The following PPME1 variants were observed in gnomAD, a reference collection of about 807,000 sequenced individuals.
PPME1 encodes the protein protein phosphatase methylesterase 1, also known as testicular secretory protein Li 39.
Under a neutral mutation model 56.9 loss-of-function variants are expected in PPME1, and 17 were observed. That is an observed-to-expected ratio of 0.30 (90% CI 0.20 to 0.45). PPME1 has a LOEUF of 0.45. Among genes scored for constraint, PPME1 ranks in the 20% least tolerant of loss-of-function variants. The probability of loss-of-function intolerance (pLI) is 1.00; values close to 1 mark genes in which losing one functional copy is unlikely to be tolerated. For missense variants in PPME1, 357 were observed against 483.2 expected (o/e 0.74, Z 2.45); for synonymous variants, 122 against 156.2 (o/e 0.78, Z 1.63).
At chr11:74,225,316 T>G (rs1858906908) in intron 5 of PPME1, 60 bp downstream of exon 5, 2 of 1,210,124 alleles carry the variant, frequency 1.7e-6, no homozygotes, top group Non-Finnish European at 2.3e-6. Context: ...TAAATAGTAC[T>G]ATAACTTTAT....
intron 3 of PPME1, among the ~76,000 whole-genome samples, chr11:74,208,586 T>G (rs1804021211): frequency 6.6e-6 from 1 of 152,250 alleles, no homozygotes; most frequent in Admixed American, 6.5e-5. Context: ...TTAATTTATC[T>G]GAATTTTAGA....
chr11:74,196,263 G>T (rs1447981602), intron 1 of PPME1, among the ~76,000 whole-genome samples: 1 of 152,210 alleles, frequency 6.6e-6, no homozygotes, highest in East Asian at 1.9e-4. Context: ...TTTTAATGAA[G>T]TTCAAGTCCT....
intron 11 of PPME1, chr11:74,248,673 C>G (rs934735862): frequency 5.3e-5 from 8 of 152,068 alleles, no homozygotes; most frequent in African/African-American, 1.9e-4. Context: ...TTATAAATGT[C>G]TAAGCCCGTA....
intron 11 of PPME1, chr11:74,250,646 T>G (rs1168535549): frequency 3.0e-5 from 8 of 263,184 alleles, no homozygotes; most frequent in Non-Finnish European, 5.1e-5. Flanking sequence ...AAAATGTTGG[T>G]TTTTGTGTTT....
At chr11:74,197,767 A>C (rs1276561259) in intron 1 of PPME1, among the ~76,000 whole-genome samples, 2 of 152,218 alleles carry the variant, frequency 1.3e-5, no homozygotes, top group Admixed American at 1.3e-4. Flanking sequence ...TTATAGGCTA[A>C]GGGTTCTTAA....
At chr11:74,201,598 A>G (rs1858169400) in intron 1 of PPME1, among the ~76,000 whole-genome samples, 1 of 152,226 alleles carries the variant, frequency 6.6e-6, no homozygotes, top group Non-Finnish European at 1.5e-5. Context: ...TGTCACTACC[A>G]TTTAGTAGTT....
chr11:74,215,507 A>G (rs1858614778), intron 3 of PPME1, among the ~76,000 whole-genome samples: 1 of 152,204 alleles, frequency 6.6e-6, no homozygotes, highest in South Asian at 2.1e-4. Flanking sequence ...AGCAAACTCA[A>G]ACCAAAAACA....
chr11:74,243,737 T>G (rs1859435307), intron 9 of PPME1, among the ~76,000 whole-genome samples: 1 of 151,920 alleles, frequency 6.6e-6, no homozygotes, highest in Non-Finnish European at 1.5e-5. Flanking sequence ...AGTTTCTTGA[T>G]TTCCCATCTG....
intron 1 of PPME1, among the ~76,000 whole-genome samples, chr11:74,172,140 T>A (rs1341465046): frequency 6.6e-6 from 1 of 151,852 alleles, no homozygotes; most frequent in Non-Finnish European, 1.5e-5. Context: ...TAAGGGAGAA[T>A]GAGAAAGTTT....
At chr11:74,217,749 AAAACTT>A (rs934352439) in intron 3 of PPME1, among the ~76,000 whole-genome samples, 10 of 152,154 alleles carry the variant, frequency 6.6e-5, no homozygotes, top group Admixed American at 3.9e-4. Flanking sequence ...ATAAAAAAAA[AAAACTT>A]AAACTGAGTA....
intron 1 of PPME1, among the ~76,000 whole-genome samples, chr11:74,200,357 T>TTGTGTGTG (rs71919163): frequency 6.8e-4 from 99 of 145,920 alleles, no homozygotes; most frequent in African/African-American, 2.4e-3. Context: ...GTCATGTGTT[T>TTGTGTGTG]TGTGTGTGTG....
intron 11 of PPME1, chr11:74,247,964 C>T (rs1038309880): frequency 7.2e-5 from 11 of 152,646 alleles, no homozygotes; most frequent in African/African-American, 2.6e-4. Context: ...TGACTCTGGG[C>T]AAGTTATCTG....
chr11:74,192,307 C>A (rs549671675), intron 1 of PPME1, among the ~76,000 whole-genome samples: 6 of 152,146 alleles, frequency 3.9e-5, no homozygotes, highest in African/African-American at 1.4e-4. Context: ...GAATGTTTAC[C>A]CAATGCATGT....
intron 1 of PPME1, among the ~76,000 whole-genome samples, chr11:74,198,224 G>T (rs1365941964): frequency 6.6e-6 from 1 of 152,034 alleles, no homozygotes; most frequent in African/African-American, 2.4e-5. Context: ...CCCAAGATTT[G>T]TTCATTGCCT....
Position 74,230,177 on chromosome 11 carries a change from G to T in PPME1, c.399-68G>T, listed in dbSNP as rs1387745267. 2 of 1,509,800 alleles carry T rather than the reference G, an allele frequency of 1.3e-6. No individual in the cohort carries two copies. The highest frequency in any genetic ancestry group is 1.8e-6 in the Non-Finnish European group (2 of 1,119,668). 93.5% of individuals were successfully genotyped at this position (1,509,800 alleles called of 1,614,324 possible). A position where few individuals can be genotyped will look rare whatever the true frequency, so the allele number is the denominator to read the frequency against. On this transcript the variant is annotated intron_variant, in intron 5 of 13. Coordinates refer to ENST00000328257, the MANE Select transcript of PPME1 (RefSeq NM_016147.3). The surrounding 1 kb of genome is among the most constrained non-coding windows in gnomAD (Gnocchi z 4.9). Reference sequence around the variant, plus strand: ...CTGTTACACACCAAAGAAAGGAACTGGGAAAGAAAACCATTTTTACAGTGT... The same window carrying T: ...CTGTTACACACCAAAGAAAGGAACTTGGAAAGAAAACCATTTTTACAGTGT...
At chr11:74,179,368 C>T (rs1438634703) in intron 1 of PPME1, among the ~76,000 whole-genome samples, 1 of 152,154 alleles carries the variant, frequency 6.6e-6, no homozygotes, top group Non-Finnish European at 1.5e-5. Flanking sequence ...GTGGTGCGCA[C>T]CTGTTAGTCC....
At chr11:74,211,880 A>C (rs1273638916) in intron 3 of PPME1, among the ~76,000 whole-genome samples, 1 of 152,246 alleles carries the variant, frequency 6.6e-6, no homozygotes, top group African/African-American at 2.4e-5. Flanking sequence ...CTACCTTACT[A>C]TTAATTAGCA....
At chr11:74,229,325 A>G (rs562824745) in intron 5 of PPME1, among the ~76,000 whole-genome samples, 1 of 152,294 alleles carries the variant, frequency 6.6e-6, no homozygotes, top group Admixed American at 6.5e-5. Context: ...GGGTAGAACT[A>G]GCCTAAAAAT....
chr11:74,186,087 C>G (rs1308063765), intron 1 of PPME1, among the ~76,000 whole-genome samples: 1 of 152,146 alleles, frequency 6.6e-6, no homozygotes, highest in Non-Finnish European at 1.5e-5. Flanking sequence ...GTAATGGGAG[C>G]TAGGATTTTC....
Sources: allele counts gnomAD v4.1 joint callset (sites outside exome capture counted in the v4.1 genomes callset), GRCh38; gene constraint gnomAD v4.1.1; non-coding constraint Gnocchi (gnomAD v3.1); transcripts MANE v1.5; gene names NCBI Gene and HGNC (gene_info 2026-07-23, HGNC 2026-07-21).